Variants in MYT1L observed in about 807,000 individuals in gnomAD.
MYT1L encodes the protein myelin transcription factor 1-like protein.
In MYT1L, 12 loss-of-function variants were observed where a neutral mutation model predicts 126.7. The ratio of observed to expected loss-of-function variants is 0.09; its 90% CI spans 0.06 to 0.15. MYT1L has a LOEUF of 0.15. Ranked by LOEUF, MYT1L falls within the 10% of genes least tolerant of loss-of-function variation. The pLI, the probability that MYT1L is intolerant of heterozygous loss-of-function variation, is 1.00. For synonymous variants in MYT1L, 541 were observed against 604.2 expected (o/e 0.90, Z 1.53); for missense variants, 979 against 1,585.2 (o/e 0.62, Z 6.49).
At chr2:1,792,565 C>T in intron 23 of MYT1L, 101 bp from the exon 24 acceptor site, 1 of 1,287,536 alleles carries the variant, frequency 7.8e-7, no homozygotes, top group Non-Finnish European at 1.1e-6. Flanking sequence ...GAAGGGGCCT[C>T]TCGCTGAAGG....
chr2:2,181,006 CTG>C (rs879812110), intron 2 of MYT1L, among the ~76,000 whole-genome samples: 38 of 148,300 alleles, frequency 2.6e-4, no homozygotes, highest in African/African-American at 6.5e-4. Context: ...GTGTATGTAC[CTG>C]TGTGTGCACC....
chr2:1,921,437 T>C (rs1368397101), intron 10 of MYT1L, among the ~76,000 whole-genome samples: 1 of 152,202 alleles, frequency 6.6e-6, no homozygotes, highest in African/African-American at 2.4e-5. Context: ...TCTACTTACA[T>C]ACATATAGTA....
chr2:2,287,280 T>C (rs886990147), intron 1 of MYT1L, among the ~76,000 whole-genome samples: 4 of 152,170 alleles, frequency 2.6e-5, no homozygotes, highest in African/African-American at 9.7e-5. Flanking sequence ...TTGAATCCTT[T>C]TTAAAAATTC....
At chr2:2,282,910 A>G (rs1200280273) in intron 2 of MYT1L, among the ~76,000 whole-genome samples, 1 of 152,196 alleles carries the variant, frequency 6.6e-6, no homozygotes, top group Non-Finnish European at 1.5e-5. Flanking sequence ...CCCCGTCTTT[A>G]CTAAAAATAG....
intron 13 of MYT1L, among the ~76,000 whole-genome samples, chr2:1,906,294 C>G (rs1295804219): frequency 6.6e-6 from 1 of 152,022 alleles, no homozygotes; most frequent in Admixed American, 6.5e-5. Context: ...TTTTGTTTCT[C>G]AGGCTTTAAA....
chr2:1,834,942 C>G lies in MYT1L; in HGVS notation c.3080+4207G>C, dbSNP rs28699428. The stretch of plus-strand genomic sequence containing the variant: ...ACGGGGATGGATACAGGTACTCCTC[C>G]ACATAACACGGGGATGGATACAGGT... On this transcript the variant is annotated intron_variant, in intron 21 of 24. Transcript: ENST00000647738. 2.2e-4 allele frequency among the ~76,000 whole-genome samples: 22 copies of G among 98,298 alleles called. 1 individual carries two copies. Among genetic ancestry groups the G allele is most frequent in the East Asian group, 8.8e-4 (2 of 2,260 alleles). The allele number at this position is 98,298 out of a possible 152,430, so 64.5% of individuals were successfully genotyped here.
intron 19 of MYT1L, among the ~76,000 whole-genome samples, chr2:1,845,681 A>G (rs1055164239): frequency 4.6e-5 from 7 of 152,216 alleles, no homozygotes; most frequent in Non-Finnish European, 1.0e-4. Flanking sequence ...CCCGCTGTCT[A>G]GGCTAAAAGC....
At chr2:2,016,122 C>T (rs2064360729) in intron 4 of MYT1L, among the ~76,000 whole-genome samples, 1 of 152,212 alleles carries the variant, frequency 6.6e-6, no homozygotes, top group Non-Finnish European at 1.5e-5. Context: ...CAATTAGGTG[C>T]TAGGAGCTTT....
intron 2 of MYT1L, among the ~76,000 whole-genome samples, chr2:2,188,443 C>T (rs937047598): frequency 1.3e-5 from 2 of 152,208 alleles, no homozygotes; most frequent in Admixed American, 6.5e-5. Flanking sequence ...CACACGCTCA[C>T]GCCGATAGGA....
chr2:2,108,221 A>G (rs1220196801), intron 3 of MYT1L, among the ~76,000 whole-genome samples: 1 of 151,914 alleles, frequency 6.6e-6, no homozygotes, highest in East Asian at 1.9e-4. Context: ...CAGTGTACCA[A>G]CTCTACCCAG....
chr2:1,796,810 C>G (rs759147512), intron 23 of MYT1L, among the ~76,000 whole-genome samples: 1 of 152,176 alleles, frequency 6.6e-6, no homozygotes, highest in Non-Finnish European at 1.5e-5. Flanking sequence ...GCTCCTTGCT[C>G]CAGGCCCCCA....
At chr2:2,088,394 T>G (rs1163814844) in intron 3 of MYT1L, among the ~76,000 whole-genome samples, 3 of 152,160 alleles carry the variant, frequency 2.0e-5, no homozygotes, top group Non-Finnish European at 4.4e-5. Context: ...GAGACAGTGT[T>G]CTATGAGGTG....
At chr2:2,253,258 C>T (rs776027125) in intron 2 of MYT1L, among the ~76,000 whole-genome samples, 3 of 152,360 alleles carry the variant, frequency 2.0e-5, no homozygotes, top group East Asian at 3.9e-4. Context: ...CTGCCCCCCT[C>T]GCAGGAGCCT....
At chr2:1,862,353 A>G (rs1326717842) in intron 18 of MYT1L, among the ~76,000 whole-genome samples, 1 of 152,198 alleles carries the variant, frequency 6.6e-6, no homozygotes, top group Non-Finnish European at 1.5e-5. Flanking sequence ...AAGGAGCAAC[A>G]AAGCTGAGAT....
intron 1 of MYT1L, among the ~76,000 whole-genome samples, chr2:2,330,600 G>C (rs1389978121): frequency 6.6e-6 from 1 of 152,098 alleles, no homozygotes; most frequent in Non-Finnish European, 1.5e-5. Flanking sequence ...AATTGCCTTT[G>C]CATAAAATGA....
At chr2:1,853,975 G>A (rs985234744) in intron 18 of MYT1L, among the ~76,000 whole-genome samples, 5 of 152,102 alleles carry the variant, frequency 3.3e-5, no homozygotes, top group African/African-American at 9.7e-5. Flanking sequence ...CAGCACCTGT[G>A]GCAACTTAAT....
intron 8 of MYT1L, among the ~76,000 whole-genome samples, chr2:1,948,441 C>T (rs537334286): frequency 6.6e-6 from 1 of 152,330 alleles, no homozygotes; most frequent in African/African-American, 2.4e-5. Context: ...AGGCACATTC[C>T]ATTACATCTG....
intron 2 of MYT1L, among the ~76,000 whole-genome samples, chr2:2,255,922 A>G (rs2149250120): frequency 6.6e-6 from 1 of 152,290 alleles, no homozygotes; most frequent in Middle Eastern, 3.4e-3. Flanking sequence ...CCCTTTACTG[A>G]GTCTGAATTA....
At chr2:2,066,614 C>T (rs868161479) in intron 3 of MYT1L, among the ~76,000 whole-genome samples, 48 of 152,206 alleles carry the variant, frequency 3.2e-4, no homozygotes, top group African/African-American at 1.1e-3. Context: ...TGCCAAGAAA[C>T]GAAGAAAACA....
Sources: gnomAD v4.1 joint callset for allele counts (sites outside exome capture counted in the v4.1 genomes callset) on GRCh38, gnomAD v4.1.1 for gene constraint, MANE v1.5 for transcripts, NCBI Gene and HGNC (gene_info 2026-07-23, HGNC 2026-07-21) for gene names.